Variants in NAV3 observed in about 807,000 individuals in gnomAD.
The protein encoded by NAV3 is neuron navigator 3, also known as pore membrane and/or filament interacting like protein 1.
Under a neutral mutation model 244.7 loss-of-function variants are expected in NAV3, and 87 were observed. That is an observed-to-expected ratio of 0.36 (90% confidence interval 0.30 to 0.42). NAV3 has a LOEUF of 0.42. Among genes scored for constraint, NAV3 ranks in the 20% least tolerant of loss-of-function variants. The probability of loss-of-function intolerance (pLI) is 1.00; values close to 1 mark genes in which losing one functional copy is unlikely to be tolerated. For missense variants in NAV3, 2,663 were observed against 2,893.3 expected, an observed-to-expected ratio of 0.92 and a Z score of 1.83; for synonymous variants, 1,126 against 1,042.2, an observed-to-expected ratio of 1.08 and a Z score of -1.55.
chr12:77,680,169 C>T (rs1026199653), intron 2 of NAV3, among the ~76,000 whole-genome samples: 4 of 152,100 alleles, frequency 2.6e-5, no homozygotes, highest in Non-Finnish European at 5.9e-5. Flanking sequence ...ATCCAGAGTT[C>T]CAGTGTCTGA....
chr12:77,623,172 CA>C (rs1200291139), intron 2 of NAV3, among the ~76,000 whole-genome samples: 7 of 151,320 alleles, frequency 4.6e-5, no homozygotes, highest in African/African-American at 1.7e-4. Flanking sequence ...ATGTCCTTTG[CA>C]AATTAAAATA....
chr12:78,199,492 A>C lies in NAV3; in HGVS notation c.6676A>C (p.Ser2226Arg). Residue 2226 changes from serine (S) to arginine (R), a missense_variant, in exon 37 of 40, where the codon AGT becomes CGT. Physicochemically the swap from Ser to Arg is moderately radical, Grantham distance 110. Coordinates refer to ENST00000397909, the MANE Select transcript of NAV3 (RefSeq NM_001024383.2). ...WIPKTWHHLN[S>R]FLETHSSSDV... Reference sequence around the variant, plus strand: ...TCCGAAGACGTGGCATCATCTCAACAGTTTTTTGGAAACACACAGTTCTTC... The same window carrying C: ...TCCGAAGACGTGGCATCATCTCAACCGTTTTTTGGAAACACACAGTTCTTC... The C allele has an allele frequency of 6.2e-7, 1 of 1,602,490 alleles. No homozygotes were observed. Among genetic ancestry groups the C allele is most frequent in the Non-Finnish European group, 8.5e-7 (1 of 1,176,328 alleles).
chr12:78,060,941 C>G (rs1884238091), intron 12 of NAV3, among the ~76,000 whole-genome samples: 1 of 152,128 alleles, frequency 6.6e-6, no homozygotes, highest in Non-Finnish European at 1.5e-5. Flanking sequence ...GGATAATCAA[C>G]TCTCCTTGCT....
At chr12:77,770,335 A>T (rs985974883) in intron 2 of NAV3, among the ~76,000 whole-genome samples, 2 of 152,190 alleles carry the variant, frequency 1.3e-5, no homozygotes, top group South Asian at 4.1e-4. Context: ...TTCTGGATGA[A>T]CAGACGGCTG....
chr12:78,006,158 T>C (rs1003109127), intron 7 of NAV3, among the ~76,000 whole-genome samples: 9 of 152,152 alleles, frequency 5.9e-5, no homozygotes, highest in African/African-American at 2.2e-4. Context: ...GCAAATTTAT[T>C]TGGGTAAGAG....
At chr12:78,184,028 ACTT>A (rs1958607935) in intron 30 of NAV3, among the ~76,000 whole-genome samples, 1 of 151,626 alleles carries the variant, frequency 6.6e-6, no homozygotes, top group African/African-American at 2.4e-5. Flanking sequence ...TCCAAATACC[ACTT>A]CTTCAAGGAA....
chr12:77,712,841 G>A (rs1195161429), intron 2 of NAV3, among the ~76,000 whole-genome samples: 1 of 152,190 alleles, frequency 6.6e-6, no homozygotes, highest in Non-Finnish European at 1.5e-5. Flanking sequence ...ATATAGGCGA[G>A]CAAGTTAGTG....
intron 2 of NAV3, among the ~76,000 whole-genome samples, chr12:77,598,808 T>TA (rs1302019841): frequency 6.6e-6 from 1 of 152,000 alleles, no homozygotes; most frequent in Non-Finnish European, 1.5e-5. Flanking sequence ...TCTAAAAGTT[T>TA]ACCCATGTCC....
chr12:77,676,678 C>T (rs1172354198), intron 2 of NAV3, among the ~76,000 whole-genome samples: 1 of 151,856 alleles, frequency 6.6e-6, no homozygotes, highest in Non-Finnish European at 1.5e-5. Flanking sequence ...ACCTATCAAC[C>T]TGTCATCTAG....
At chr12:77,800,297 A>G (rs1871639862) in intron 2 of NAV3, among the ~76,000 whole-genome samples, 1 of 152,196 alleles carries the variant, frequency 6.6e-6, no homozygotes, top group Non-Finnish European at 1.5e-5. Flanking sequence ...CAGAAATGGA[A>G]CATAAAACTC....
chr12:78,118,049 G>C lies in NAV3; in HGVS notation c.2792G>C (p.Arg931Pro), dbSNP rs377644039. 2.7e-5 allele frequency: 44 copies of C among 1,609,444 alleles called. No individual in the cohort carries two copies. The highest frequency in any genetic ancestry group is 3.7e-5 in the Non-Finnish European group (44 of 1,177,928). ...TAGCTGAGGACAGATTCAGAGAAAC[G>C]CTCCACCACAGACGAGACCTGGGAT... ...NTQLRTDSEK[R>P]STTDETWDSP... The change falls in exon 14 of 40, where the codon CGC (arginine) becomes CCC (proline). Residue 931 changes from arginine (R) to proline (P), a missense_variant. By Grantham distance (103) the Arg-to-Pro change is moderately radical. This residue lies in a region of NAV3 where 1,521 missense variants were observed against 1,497.0 expected (regional missense o/e 1.02). Coordinates refer to ENST00000397909, the MANE Select transcript of NAV3 (RefSeq NM_001024383.2).
At chr12:77,632,397 G>A (rs1463460266) in intron 2 of NAV3, among the ~76,000 whole-genome samples, 2 of 152,178 alleles carry the variant, frequency 1.3e-5, no homozygotes, top group Non-Finnish European at 2.9e-5. Flanking sequence ...AATCATGGCG[G>A]ATGGCAAGGA....
At chr12:78,139,821 T>A (rs961897670) in intron 19 of NAV3, among the ~76,000 whole-genome samples, 2 of 152,108 alleles carry the variant, frequency 1.3e-5, no homozygotes, top group African/African-American at 4.8e-5. Flanking sequence ...AATGTTGTAA[T>A]AACACATTAG....
At chr12:77,682,675 C>A (rs1874526848) in intron 2 of NAV3, among the ~76,000 whole-genome samples, 1 of 152,024 alleles carries the variant, frequency 6.6e-6, no homozygotes, top group Non-Finnish European at 1.5e-5. Context: ...TTATCATTTG[C>A]CTTTTTTGAT....
chr12:77,915,303 G>A (rs573658672), intron 1 of NAV3, among the ~76,000 whole-genome samples: 1 of 151,980 alleles, frequency 6.6e-6, no homozygotes, highest in Non-Finnish European at 1.5e-5. Context: ...TAGGCATTAT[G>A]TGAATGATTA....
intron 7 of NAV3, among the ~76,000 whole-genome samples, chr12:78,002,681 T>G (rs181035640): frequency 4.7e-4 from 72 of 152,282 alleles, no homozygotes; most frequent in African/African-American, 1.7e-3. Flanking sequence ...CTTTAGTTAT[T>G]ATTTTACTGG....
intron 2 of NAV3, among the ~76,000 whole-genome samples, chr12:77,631,452 C>A (rs1475839032): frequency 6.7e-6 from 1 of 148,722 alleles, no homozygotes; most frequent in Non-Finnish European, 1.5e-5. Flanking sequence ...GCAAAATTGG[C>A]ATTATGTTAA....
chr12:77,586,313 C>T (rs1224963743), intron 2 of NAV3, among the ~76,000 whole-genome samples: 6 of 152,104 alleles, frequency 3.9e-5, no homozygotes, highest in African/African-American at 1.4e-4. Context: ...AGCACTTTCC[C>T]AGATAAGAAA....
rs188418658 is a variant in NAV3 at position 77,882,405 on chromosome 12, C to T, written c.243+50701C>T. ...GCAGAAGAATGAAACAGGACCTTTACCTTTCACCATATACAAAAATTAACT... is the reference window on the plus strand; with the variant it reads ...GCAGAAGAATGAAACAGGACCTTTATCTTTCACCATATACAAAAATTAACT... On this transcript the variant is annotated intron_variant, in intron 1 of 39. Transcript: ENST00000397909. Among the ~76,000 whole-genome samples the T allele has an allele frequency of 2.7e-4, 41 of 152,186 alleles. No homozygotes were observed. In the East Asian group the frequency reaches 7.9e-3, roughly 29 times the overall value.
Sources: gnomAD v4.1 joint callset for allele counts (sites outside exome capture counted in the v4.1 genomes callset) on GRCh38, gnomAD v4.1.1 for gene constraint, gnomAD v4.1.1 regional missense constraint, MANE v1.5 for transcripts, NCBI Gene and HGNC (gene_info 2026-07-23, HGNC 2026-07-21) for gene names.